Variants in IRAG1 observed in about 807,000 individuals in gnomAD.
The protein encoded by IRAG1 is inositol 1,4,5-triphosphate receptor associated 1.
In IRAG1, 62 loss-of-function variants were observed where a neutral mutation model predicts 106.2. The ratio of observed to expected loss-of-function variants is 0.58; its 90% CI spans 0.48 to 0.72. The LOEUF is 0.72. Ranked by LOEUF, IRAG1 falls within the 30% of genes least tolerant of loss-of-function variation. The pLI, the probability that IRAG1 is intolerant of heterozygous loss-of-function variation, is 0.00. For synonymous variants in IRAG1, 462 were observed against 443.9 expected (o/e 1.04, Z -0.51); for missense variants, 1,064 against 1,140.7 (o/e 0.93, Z 0.97).
Position 10,591,718 on chromosome 11 carries a change from C to T in IRAG1, c.2176-106G>A. ...TGGGAGCGGGGCTGCTGCTTCTCCT[C>T]TTTCCTCCATGCCCCCACTTTCCAA... is the stretch of plus-strand genomic sequence containing the variant. On this transcript the variant is annotated intron_variant, in intron 17 of 20. Coordinates refer to ENST00000423302, the MANE Select transcript of IRAG1 (RefSeq NM_130385.4). 3.9e-6 allele frequency: 4 copies of T among 1,015,292 alleles called. No individual in the cohort carries two copies. In the East Asian group the frequency reaches 7.9e-5, roughly 20 times the overall value. The allele number at this position is 1,015,292 out of a possible 1,614,324, so 62.9% of individuals were successfully genotyped here.
chr11:10,621,987 C>T (rs1665045765), intron 10 of IRAG1, among the ~76,000 whole-genome samples: 1 of 152,028 alleles, frequency 6.6e-6, no homozygotes, highest in Admixed American at 6.6e-5. Context: ...ATGAGTATGG[C>T]ATTTCAGTTT....
chr11:10,646,225 A>G (rs1297371900), intron 2 of IRAG1, among the ~76,000 whole-genome samples: 1 of 152,198 alleles, frequency 6.6e-6, no homozygotes, highest in Non-Finnish European at 1.5e-5. Context: ...TAGGCCTCCT[A>G]CAACCCTTGT....
chr11:10,606,877 G>A (rs1219518064), intron 11 of IRAG1, 105 bp from the exon 12 acceptor site: 4 of 1,092,130 alleles, frequency 3.7e-6, no homozygotes, highest in Non-Finnish European at 5.2e-6. Context: ...GGTGGAGTAA[G>A]CTGTGTTGGT....
At chr11:10,650,396 T>C (rs1375058645) in intron 2 of IRAG1, among the ~76,000 whole-genome samples, 1 of 152,256 alleles carries the variant, frequency 6.6e-6, no homozygotes, top group Admixed American at 6.5e-5. Context: ...TATTATCTTA[T>C]ATTTTAGGAA....
At chr11:10,581,555 C>T (rs969698805) in intron 19 of IRAG1, among the ~76,000 whole-genome samples, 1 of 152,014 alleles carries the variant, frequency 6.6e-6, no homozygotes, top group African/African-American at 2.4e-5. Context: ...TGTCAGGAAG[C>T]CTCAGGCACC....
At chr11:10,593,881 A>T in intron 16 of IRAG1, 1 of 573,518 alleles carries the variant, frequency 1.7e-6, no homozygotes, top group Non-Finnish European at 3.1e-6. Context: ...AACACCCTGG[A>T]GACTGTATTC....
intron 1 of IRAG1, among the ~76,000 whole-genome samples, chr11:10,667,241 T>C (rs1859858920): frequency 6.6e-6 from 1 of 152,184 alleles, no homozygotes; most frequent in Non-Finnish European, 1.5e-5. Context: ...TTCATCTCTT[T>C]TCCTCTGATC....
chr11:10,579,081 C>A (rs1332367041), intron 20 of IRAG1, among the ~76,000 whole-genome samples: 1 of 152,162 alleles, frequency 6.6e-6, no homozygotes, highest in African/African-American at 2.4e-5. Flanking sequence ...GTAGGGATTG[C>A]ACTTTAATTG....
intron 15 of IRAG1, chr11:10,599,946 G>T (rs573446671): frequency 5.2e-4 from 79 of 152,258 alleles, no homozygotes; most frequent in African/African-American, 1.9e-3. Flanking sequence ...ATGACTCCCC[G>T]TTGCCTAGAG....
intron 2 of IRAG1, among the ~76,000 whole-genome samples, chr11:10,642,974 A>G (rs1311235365): frequency 1.3e-5 from 2 of 152,070 alleles, no homozygotes; most frequent in African/African-American, 2.4e-5. Context: ...GATCGAGACC[A>G]TCTTGGCTAA....
intron 10 of IRAG1, among the ~76,000 whole-genome samples, chr11:10,614,412 T>C (rs1276217411): frequency 6.6e-6 from 1 of 152,202 alleles, no homozygotes; most frequent in Admixed American, 6.5e-5. Context: ...AAGCTACCAA[T>C]GACTTTCTTC....
intron 2 of IRAG1, among the ~76,000 whole-genome samples, chr11:10,644,014 C>T (rs12281392): frequency 0.035 from 5,314 of 151,700 alleles, 323 homozygotes; most frequent in African/African-American, 0.12. Flanking sequence ...ATTCTCACAG[C>T]TCTTACCCTG....
chr11:10,623,866 AAAAG>A lies in IRAG1; in HGVS notation c.1369-14_1369-11del. The A allele has an allele frequency of 4.3e-6, 7 of 1,612,230 alleles. No individual in the cohort carries two copies. Among genetic ancestry groups the A allele is most frequent in the Non-Finnish European group, 5.1e-6 (6 of 1,178,262 alleles). On this transcript the variant is annotated splice_polypyrimidine_tract_variant and intron_variant, in intron 9 of 20. Transcript: ENST00000423302. ...TCATCAGGATGTGCTCCTTTGTGGT[AAAAG>A]AAAGAGATAACAATTTCAGATGATG...
At chr11:10,660,837 A>C (rs1859336224) in intron 1 of IRAG1, among the ~76,000 whole-genome samples, 1 of 151,894 alleles carries the variant, frequency 6.6e-6, no homozygotes, top group African/African-American at 2.4e-5. Flanking sequence ...CATTTCTGTC[A>C]CCCTCCACAT....
intron 11 of IRAG1, among the ~76,000 whole-genome samples, chr11:10,609,526 C>G (rs1343931372): frequency 6.6e-6 from 1 of 152,180 alleles, no homozygotes; most frequent in Non-Finnish European, 1.5e-5. Context: ...CCTAAGAACC[C>G]CACCTGGCCT....
At chr11:10,592,986 G>T (rs1374886555) in intron 17 of IRAG1, among the ~76,000 whole-genome samples, 1 of 152,098 alleles carries the variant, frequency 6.6e-6, no homozygotes, top group Non-Finnish European at 1.5e-5. Flanking sequence ...CCCCTTATAG[G>T]AATATCCATT....
At chr11:10,617,715 C>T (rs1161216040) in intron 10 of IRAG1, among the ~76,000 whole-genome samples, 3 of 152,178 alleles carry the variant, frequency 2.0e-5, no homozygotes, top group Admixed American at 2.0e-4. Flanking sequence ...CACAATTCAT[C>T]ACCCTCACAA....
Position 10,603,315 on chromosome 11 carries a change from C to T in IRAG1, c.1744-64G>A, listed in dbSNP as rs1425446694. ...AATGTTATGGACTAAATCAGCAGTC[C>T]CCAACCTTTTCGGCCTCAGGGACTG... On this transcript the variant is annotated intron_variant, in intron 13 of 20. Coordinates refer to ENST00000423302, the MANE Select transcript of IRAG1 (RefSeq NM_130385.4). 1.2e-5 allele frequency: 19 copies of T among 1,574,612 alleles called. No individual in the cohort carries two copies. The East Asian group carries it at 3.6e-4, about 30-fold the overall frequency.
chr11:10,590,818 A>T (rs968515478), intron 18 of IRAG1, among the ~76,000 whole-genome samples: 2 of 152,184 alleles, frequency 1.3e-5, no homozygotes, highest in Non-Finnish European at 2.9e-5. Context: ...TTTCCTTCCT[A>T]CTTCCTAACA....
Sources: gnomAD v4.1 joint callset for allele counts (sites outside exome capture counted in the v4.1 genomes callset) on GRCh38, gnomAD v4.1.1 for gene constraint, MANE v1.5 for transcripts, NCBI Gene and HGNC (gene_info 2026-07-23, HGNC 2026-07-21) for gene names.